Variants in PRKCE observed in about 807,000 individuals in gnomAD.
PRKCE encodes the protein protein kinase C epsilon type.
In PRKCE, 16 loss-of-function variants were observed where a neutral mutation model predicts 85.4. That is an observed-to-expected ratio of 0.19 (90% CI 0.13 to 0.28). The LOEUF (loss-of-function observed/expected upper bound fraction) is 0.28, where lower values mean the gene tolerates loss of function less well. Among genes scored for constraint, PRKCE ranks in the 10% least tolerant of loss-of-function variants. The probability of loss-of-function intolerance (pLI) is 1.00; values close to 1 mark genes in which losing one functional copy is unlikely to be tolerated. For synonymous variants in PRKCE, 388 were observed against 371.5 expected (o/e 1.04, Z -0.51); for missense variants, 573 against 975.2 (o/e 0.59, Z 5.49).
chr2:45,763,135 T>C (rs951214169), intron 1 of PRKCE, among the ~76,000 whole-genome samples: 4 of 152,116 alleles, frequency 2.6e-5, no homozygotes, highest in South Asian at 2.1e-4. Context: ...TTTGTATTTT[T>C]ACTAGAGATG....
At chr2:46,053,426 C>T (rs1270268658) in intron 10 of PRKCE, among the ~76,000 whole-genome samples, 1 of 152,190 alleles carries the variant, frequency 6.6e-6, no homozygotes, top group African/African-American at 2.4e-5. Context: ...GTTATGCATC[C>T]GTCACCACTA....
In PRKCE at chr2:45,769,581, TCTCA is replaced by T. The variant is rs1232053958; in HGVS notation, c.349-73416_349-73413del. 2.6e-5 allele frequency among the ~76,000 whole-genome samples: 4 copies of T among 152,216 alleles called. No individual in the cohort carries two copies. In the South Asian group the frequency reaches 6.2e-4, roughly 24 times the overall value. The stretch of plus-strand genomic sequence containing the variant: ...TTTTTCATCCAGAGACTAGTTTATT[TCTCA>T]CTGATATTAAGTTTGTTTAACCTGT... On this transcript the variant is annotated intron_variant, in intron 1 of 14. Coordinates refer to ENST00000306156, the MANE Select transcript of PRKCE (RefSeq NM_005400.3).
intron 12 of PRKCE, among the ~76,000 whole-genome samples, chr2:46,150,353 C>T (rs1676496721): frequency 6.6e-6 from 1 of 152,058 alleles, no homozygotes; most frequent in Non-Finnish European, 1.5e-5. Context: ...TGAAGGTGGC[C>T]CCAAAGGAAG....
intron 1 of PRKCE, among the ~76,000 whole-genome samples, chr2:45,784,035 G>A (rs1368182578): frequency 6.6e-6 from 1 of 152,264 alleles, no homozygotes; most frequent in Non-Finnish European, 1.5e-5. Context: ...TAGCATCGCT[G>A]TATCCAATAT....
At chr2:45,938,163 G>C (rs991442673) in intron 2 of PRKCE, among the ~76,000 whole-genome samples, 3 of 152,154 alleles carry the variant, frequency 2.0e-5, no homozygotes, top group African/African-American at 7.2e-5. Context: ...AGAACCATCT[G>C]CTCTCTTAGC....
chr2:45,674,672 C>T (rs1676337393), intron 1 of PRKCE: 2 of 152,180 alleles, frequency 1.3e-5, no homozygotes, highest in African/African-American at 4.8e-5. Context: ...TGGCACAGCC[C>T]AAAGCACAGA....
intron 1 of PRKCE, among the ~76,000 whole-genome samples, chr2:45,771,432 G>C (rs999030785): frequency 6.6e-6 from 1 of 152,056 alleles, no homozygotes; most frequent in African/African-American, 2.4e-5. Context: ...CCTCTCCAGC[G>C]GGTGGAGATG....
At chr2:45,745,686 G>A (rs1683081717) in intron 1 of PRKCE, among the ~76,000 whole-genome samples, 1 of 152,168 alleles carries the variant, frequency 6.6e-6, no homozygotes, top group Admixed American at 6.5e-5. Context: ...CTGGGAGGTG[G>A]AGAGTTGGGC....
chr2:46,089,603 C>T (rs540869831), intron 11 of PRKCE, among the ~76,000 whole-genome samples: 6 of 152,296 alleles, frequency 3.9e-5, no homozygotes, highest in African/African-American at 7.2e-5. Context: ...GCCCTGGCCC[C>T]GGGGCTGCTG....
chr2:46,017,354 A>C (rs1364077870), intron 10 of PRKCE, among the ~76,000 whole-genome samples: 4 of 152,216 alleles, frequency 2.6e-5, no homozygotes, highest in Admixed American at 1.3e-4. Context: ...GAATGTCCTC[A>C]AGGTTCATCC....
chr2:45,861,437 A>G (rs887286188), intron 2 of PRKCE, among the ~76,000 whole-genome samples: 3 of 152,222 alleles, frequency 2.0e-5, no homozygotes, highest in African/African-American at 7.2e-5. Flanking sequence ...CAACCCATGT[A>G]TTAGGTTGCA....
Position 45,671,425 on chromosome 2 carries a change from GC to G in PRKCE, c.348+18979del, listed in dbSNP as rs1481011924. Among the ~76,000 whole-genome samples the G allele has an allele frequency of 2.0e-5, 3 of 152,180 alleles. No individual in the cohort carries two copies. In the East Asian group the frequency reaches 5.8e-4, roughly 29 times the overall value. On this transcript the variant is annotated intron_variant, in intron 1 of 14. Coordinates refer to ENST00000306156, the MANE Select transcript of PRKCE (RefSeq NM_005400.3). ...ACACACTAGGTACAGGAGGCCTAGG[GC>G]CTGGCCTAGAAGGTATTGATATCAG...
chr2:45,670,961 G>C (rs1287762534), intron 1 of PRKCE, among the ~76,000 whole-genome samples: 2 of 152,184 alleles, frequency 1.3e-5, no homozygotes, highest in Non-Finnish European at 2.9e-5. Flanking sequence ...TCAGATAGTG[G>C]TGCTTCAGGG....
chr2:46,043,668 A>C (rs1329839914), intron 10 of PRKCE, among the ~76,000 whole-genome samples: 4 of 152,192 alleles, frequency 2.6e-5, no homozygotes, highest in African/African-American at 9.7e-5. Flanking sequence ...GTTTTAGGCA[A>C]CTGAGATGAT....
At chr2:45,894,653 G>A (rs985656173) in intron 2 of PRKCE, among the ~76,000 whole-genome samples, 1 of 151,880 alleles carries the variant, frequency 6.6e-6, no homozygotes, top group Admixed American at 6.6e-5. Context: ...ATGATGCCTG[G>A]CACACACACA....
chr2:45,830,059 C>T (rs1027688936), intron 1 of PRKCE, among the ~76,000 whole-genome samples: 3 of 112,880 alleles, frequency 2.7e-5, no homozygotes, highest in Admixed American at 1.1e-4. Flanking sequence ...GGCGACAGAG[C>T]GAGACTCCGT....
At chr2:45,835,869 AC>A (rs1690830314) in intron 1 of PRKCE, among the ~76,000 whole-genome samples, 1 of 152,150 alleles carries the variant, frequency 6.6e-6, no homozygotes, top group African/African-American at 2.4e-5. Flanking sequence ...TGTTGGGATT[AC>A]AGGGGTGAGC....
intron 2 of PRKCE, among the ~76,000 whole-genome samples, chr2:45,960,107 C>A (rs569617326): frequency 6.6e-6 from 1 of 152,264 alleles, no homozygotes; most frequent in African/African-American, 2.4e-5. Context: ...TAGAGAAATA[C>A]AAACAGAATG....
intron 1 of PRKCE, among the ~76,000 whole-genome samples, chr2:45,766,818 T>C (rs1684949512): frequency 3.3e-5 from 5 of 152,156 alleles, no homozygotes; most frequent in Admixed American, 3.3e-4. Flanking sequence ...GGTGGGAGGA[T>C]TGCCTGAGCT....
Sources: allele counts gnomAD v4.1 joint callset (sites outside exome capture counted in the v4.1 genomes callset), GRCh38; gene constraint gnomAD v4.1.1; transcripts MANE v1.5; gene names NCBI Gene and HGNC (gene_info 2026-07-23, HGNC 2026-07-21).